ESRRG: variants seen among roughly 807,000 people sequenced by gnomAD.
The protein encoded by ESRRG is estrogen related receptor gamma.
A neutral mutation model predicts 44.0 loss-of-function variants in ESRRG; 13 were observed. The observed-to-expected ratio is 0.30, with a 90% confidence interval of 0.19 to 0.47. The LOEUF is 0.47. Ranked by LOEUF, ESRRG falls within the 20% of genes least tolerant of loss-of-function variation. The probability of loss-of-function intolerance (pLI) is 1.00; values close to 1 mark genes in which losing one functional copy is unlikely to be tolerated. For synonymous variants in ESRRG, 215 were observed against 214.6 expected (o/e 1.00, Z -0.02); for missense variants, 395 against 580.6 (o/e 0.68, Z 3.29).
At chr1:216,888,275 G>T (rs970105309) in intron 2 of ESRRG, among the ~76,000 whole-genome samples, 1 of 152,198 alleles carries the variant, frequency 6.6e-6, no homozygotes, top group Non-Finnish European at 1.5e-5. Context: ...CCAATTCTGG[G>T]CTTCCTTTTC....
chr1:216,723,118 A>G (rs2152077968), intron 1 of ESRRG, 126 bp downstream of exon 1: 1 of 757,468 alleles, frequency 1.3e-6, no homozygotes, highest in African/African-American at 1.8e-5. Context: ...GACAGACACA[A>G]ACAAGCAGTC....
At chr1:216,950,595 C>G (rs747563695) in intron 1 of ESRRG, among the ~76,000 whole-genome samples, 7 of 152,108 alleles carry the variant, frequency 4.6e-5, no homozygotes, top group Non-Finnish European at 8.8e-5. Context: ...GAATTAATAT[C>G]AACCAGCTTC....
At position 216,558,110 on chromosome 1, in the gene ESRRG, C is replaced by CT. The variant is rs567824996; in HGVS notation, c.862+6108dup. On this transcript the variant is annotated intron_variant, in intron 5 of 6. Coordinates refer to ENST00000408911, the MANE Select transcript of ESRRG (RefSeq NM_001438.4). ...AGGCCTCTCTGAGCATTTTTCACAA[C>CT]TTTGGCTTGTCTCTTGAACTAGATC... is the stretch of plus-strand genomic sequence containing the variant. Among the ~76,000 whole-genome samples the CT allele has an allele frequency of 1.6e-4, 24 of 152,258 alleles. No individual in the cohort carries two copies. In the South Asian group the frequency reaches 4.8e-3, roughly 30 times the overall value.
At chr1:216,623,803 T>C (rs1482542547) in intron 3 of ESRRG, among the ~76,000 whole-genome samples, 1 of 151,874 alleles carries the variant, frequency 6.6e-6, no homozygotes, top group African/African-American at 2.4e-5. Flanking sequence ...GGAATGGGCA[T>C]GAAAGGAAAA....
intron 2 of ESRRG, among the ~76,000 whole-genome samples, chr1:216,807,565 T>G (rs1320845256): frequency 6.6e-6 from 1 of 152,048 alleles, no homozygotes; most frequent in Non-Finnish European, 1.5e-5. Context: ...GGAATATGGG[T>G]TTCTCATTTT....
chr1:216,707,163 G>A (rs1402858057), intron 1 of ESRRG, among the ~76,000 whole-genome samples: 1 of 152,128 alleles, frequency 6.6e-6, no homozygotes, highest in Non-Finnish European at 1.5e-5. Flanking sequence ...AAACCTTCTA[G>A]AGTTCAAACA....
At chr1:217,111,243 C>T (rs1580603994) in intron 1 of ESRRG, among the ~76,000 whole-genome samples, 1 of 152,124 alleles carries the variant, frequency 6.6e-6, no homozygotes, top group Non-Finnish European at 1.5e-5. Context: ...AGTAAGTCCC[C>T]AGGGCAGGTA....
At chr1:216,585,325 C>A (rs894960600) in intron 3 of ESRRG, among the ~76,000 whole-genome samples, 1 of 152,112 alleles carries the variant, frequency 6.6e-6, no homozygotes, top group East Asian at 1.9e-4. Flanking sequence ...CATGTAAAAT[C>A]TTTGATGTGG....
At chr1:216,542,193 T>C (rs2053098259) in intron 5 of ESRRG, among the ~76,000 whole-genome samples, 1 of 151,954 alleles carries the variant, frequency 6.6e-6, no homozygotes, top group African/African-American at 2.4e-5. Flanking sequence ...GCATCTCTTT[T>C]AATGCTCACA....
At chr1:216,968,835 G>A (rs1578828804) in intron 1 of ESRRG, among the ~76,000 whole-genome samples, 2 of 151,892 alleles carry the variant, frequency 1.3e-5, no homozygotes, top group African/African-American at 4.8e-5. Context: ...GCAATATTGA[G>A]TCTTCCTATC....
At chr1:217,018,912 T>C (rs1458894821) in intron 1 of ESRRG, among the ~76,000 whole-genome samples, 1 of 152,170 alleles carries the variant, frequency 6.6e-6, no homozygotes, top group East Asian at 1.9e-4. Context: ...CTTCCCAGAC[T>C]CTTAAATAGG....
chr1:216,933,318 T>A (rs1207711693), intron 2 of ESRRG, among the ~76,000 whole-genome samples: 1 of 152,186 alleles, frequency 6.6e-6, no homozygotes, highest in East Asian at 1.9e-4. Flanking sequence ...ATGGAGCCAC[T>A]TTTCTAATGT....
Position 217,068,128 on chromosome 1 carries a change from G to A in ESRRG, c.-106+21379C>T, listed in dbSNP as rs561554520. ...CTACCTCAATTCCATCTTCTGAGGA[G>A]CAGAGATTGCAATTTCCATGCTACC... is the stretch of plus-strand genomic sequence containing the variant. On this transcript the variant is annotated intron_variant, in intron 1 of 7. Transcript: ENST00000359162. Among the ~76,000 whole-genome samples the A allele has an allele frequency of 2.6e-5, 4 of 152,292 alleles. No homozygotes were observed. The East Asian group carries it at 7.7e-4, about 29-fold the overall frequency.
chr1:216,978,160 G>A (rs1560338108), intron 1 of ESRRG, among the ~76,000 whole-genome samples: 1 of 152,100 alleles, frequency 6.6e-6, no homozygotes, highest in Non-Finnish European at 1.5e-5. Context: ...TGCTTAAAAC[G>A]AGAGCTGGCA....
chr1:217,038,600 C>T (rs1359683389), intron 1 of ESRRG, among the ~76,000 whole-genome samples: 3 of 152,316 alleles, frequency 2.0e-5, no homozygotes, highest in South Asian at 2.1e-4. Context: ...AGCTGGAACA[C>T]AGGGTACCAA....
chr1:216,735,283 A>T (rs543045224), intron 2 of ESRRG, among the ~76,000 whole-genome samples: 1 of 151,776 alleles, frequency 6.6e-6, no homozygotes, highest in Non-Finnish European at 1.5e-5. Context: ...ATCATAGCTC[A>T]CTGCACCCTC....
chr1:216,678,630 A>C (rs1290498888), intron 1 of ESRRG, among the ~76,000 whole-genome samples: 3 of 152,200 alleles, frequency 2.0e-5, no homozygotes, highest in African/African-American at 7.2e-5. Flanking sequence ...AATTAGATGA[A>C]AAGATATAAT....
intron 2 of ESRRG, among the ~76,000 whole-genome samples, chr1:216,870,530 G>A (rs1339087643): frequency 6.6e-6 from 1 of 151,794 alleles, no homozygotes; most frequent in East Asian, 1.9e-4. Context: ...AAAATGAACT[G>A]GGAAGTGTTC....
intron 2 of ESRRG, among the ~76,000 whole-genome samples, chr1:216,886,561 A>T (rs2096520861): frequency 6.6e-6 from 1 of 152,218 alleles, no homozygotes; most frequent in Non-Finnish European, 1.5e-5. Flanking sequence ...TGCTGTAAAT[A>T]TGCCTTGAAA....
Sources: gnomAD v4.1 joint callset for allele counts (sites outside exome capture counted in the v4.1 genomes callset) on GRCh38, gnomAD v4.1.1 for gene constraint, MANE v1.5 for transcripts, NCBI Gene and HGNC (gene_info 2026-07-23, HGNC 2026-07-21) for gene names.